NUCKS1: variants seen among roughly 807,000 people sequenced by gnomAD.
NUCKS1 encodes nuclear ubiquitous casein and cyclin-dependent kinase substrate 1.
NUCKS1 carries 2 observed loss-of-function variants against 33.0 expected under a neutral mutation model. The observed-to-expected ratio is 0.06, with a 90% confidence interval of 0.02 to 0.19. The LOEUF is 0.19. NUCKS1 is among the 10% of genes least tolerant of loss of function. The pLI is 1.00. For synonymous variants in NUCKS1, 106 were observed against 102.8 expected, an observed-to-expected ratio of 1.03 and a Z score of -0.19; for missense variants, 201 against 293.6, an observed-to-expected ratio of 0.68 and a Z score of 2.31.
chr1:205,718,094 A>G lies in NUCKS1; in HGVS notation c.*186T>C. On this transcript the variant is annotated 3_prime_UTR_variant, in exon 7 of 7. Transcript: ENST00000367142. ...ATACAATGGTTTGCTTTAAAAAAAA[A>G]AAAAAAAAAAGAGAGAGAGAGAGAA... The G allele has an allele frequency of 8.1e-7, 1 of 1,239,614 alleles. No homozygotes were observed. Among genetic ancestry groups the G allele is most frequent in the Non-Finnish European group, 1.0e-6 (1 of 994,116 alleles). The allele number at this position is 1,239,614 out of a possible 1,614,324, so 76.8% of individuals were successfully genotyped here. A position where few individuals can be genotyped will look rare whatever the true frequency, so the allele number is the denominator to read the frequency against.
intron 1 of NUCKS1, among the ~76,000 whole-genome samples, chr1:205,745,310 G>A (rs1654292522): frequency 6.6e-6 from 1 of 151,818 alleles, no homozygotes. Context: ...CTCAGCCTGA[G>A]CAACATGGTG....
At chr1:205,749,888 C>T in intron 1 of NUCKS1, 69 bp downstream of exon 1, 2 of 1,503,742 alleles carry the variant, frequency 1.3e-6, no homozygotes, top group Non-Finnish European at 9.2e-7. Flanking sequence ...AGCCTTCTGT[C>T]CCCCACTCTT....
chr1:205,741,395 T>G (rs1265716094), intron 1 of NUCKS1, among the ~76,000 whole-genome samples: 1 of 151,828 alleles, frequency 6.6e-6, no homozygotes, highest in Non-Finnish European at 1.5e-5. Context: ...TAAAGTCAGC[T>G]AGGTTAGATT....
chr1:205,743,151 T>C (rs1654222159), intron 1 of NUCKS1, among the ~76,000 whole-genome samples: 1 of 152,280 alleles, frequency 6.6e-6, no homozygotes, highest in Admixed American at 6.5e-5. Context: ...TTACACAGTA[T>C]GGTGACTGTT....
Position 205,720,653 on chromosome 1 carries a change from T to C in NUCKS1, c.230A>G (p.Glu77Gly). Reference protein sequence around the residue: ...KTKKDDSHSAEDSEDEKEDHK... With the variant: ...KTKKDDSHSAGDSEDEKEDHK... ...ATCTTCTTTTTCATCTTCACTATCC[T>C]CTGCAATATCAGAATTACCATGATA... The change falls in exon 5 of 7, where the codon GAG (glutamate) becomes GGG (glycine). Residue 77 changes from glutamate to glycine, a missense_variant and splice_region_variant. Glu to Gly is a moderately conservative substitution (Grantham distance 98). Transcript: ENST00000367142. The C allele has an allele frequency of 6.2e-7, 1 of 1,608,120 alleles. No individual in the cohort carries two copies. The highest frequency in any genetic ancestry group is 1.1e-5 in the South Asian group (1 of 89,888).
chr1:205,743,196 A>C (rs574215533), intron 1 of NUCKS1, among the ~76,000 whole-genome samples: 95 of 152,334 alleles, frequency 6.2e-4, no homozygotes, highest in African/African-American at 1.7e-3. Flanking sequence ...AAAAAACCCC[A>C]AAAACCAAAA....
chr1:205,725,999 G>C (rs757620367), intron 3 of NUCKS1, among the ~76,000 whole-genome samples: 5 of 152,148 alleles, frequency 3.3e-5, no homozygotes, highest in Admixed American at 1.3e-4. Flanking sequence ...AGGAGTTCAA[G>C]ACCAGCCTAG....
intron 4 of NUCKS1, among the ~76,000 whole-genome samples, chr1:205,721,119 G>T (rs1354389256): frequency 6.6e-6 from 1 of 151,772 alleles, no homozygotes; most frequent in Non-Finnish European, 1.5e-5. Context: ...GCGAGGGAGG[G>T]GGCAGGGTGG....
At chr1:205,735,583 C>G (rs1654014048) in intron 1 of NUCKS1, among the ~76,000 whole-genome samples, 1 of 152,172 alleles carries the variant, frequency 6.6e-6, no homozygotes, top group Non-Finnish European at 1.5e-5. Flanking sequence ...AATTTACGTC[C>G]TGACTCTTAC....
intron 1 of NUCKS1, among the ~76,000 whole-genome samples, chr1:205,730,053 ATTAT>A (rs1291388584): frequency 1.3e-5 from 2 of 151,906 alleles, no homozygotes; most frequent in African/African-American, 2.4e-5. Flanking sequence ...AAAAAAGAAA[ATTAT>A]TTAATTAATT....
In NUCKS1 at chr1:205,718,151, G is replaced by T. The variant is rs1671859318; in HGVS notation, c.*129C>A. On this transcript the variant is annotated 3_prime_UTR_variant, in exon 7 of 7. Transcript: ENST00000367142. ...CTTTCAACAAATGGAAAAAAGCACTGAAAGCCCATGAGTCAAGCCATAGCC... is the reference window on the plus strand; with the variant it reads ...CTTTCAACAAATGGAAAAAAGCACTTAAAGCCCATGAGTCAAGCCATAGCC... 7.8e-7 allele frequency: 1 copy of T among 1,278,080 alleles called. No individual in the cohort carries two copies. Among genetic ancestry groups the T allele is most frequent in the Non-Finnish European group, 9.9e-7 (1 of 1,014,146 alleles). 79.2% of individuals were successfully genotyped at this position (1,278,080 alleles called of 1,614,324 possible).
Position 205,750,157 on chromosome 1 carries a change from C to T in NUCKS1, c.-184G>A, listed in dbSNP as rs528432834. ...GGGCTCCTGGAACAGACGAGCCCCC[C>T]GCTCCCCCGTCTCTTCAAAATGGAT... On this transcript the variant is annotated 5_prime_UTR_variant, in exon 1 of 7. Coordinates refer to ENST00000367142, the MANE Select transcript of NUCKS1 (RefSeq NM_022731.5). 4 of 639,832 alleles carry T rather than the reference C, an allele frequency of 6.3e-6. No individual in the cohort carries two copies. Among genetic ancestry groups the T allele is most frequent in the Non-Finnish European group, 1.1e-5 (4 of 362,408 alleles). The allele number at this position is 639,832 out of a possible 1,614,324, so 39.6% of individuals were successfully genotyped here.
intron 1 of NUCKS1, among the ~76,000 whole-genome samples, chr1:205,746,273 C>G (rs1379728822): frequency 6.6e-6 from 1 of 152,096 alleles, no homozygotes; most frequent in Non-Finnish European, 1.5e-5. Flanking sequence ...CCCGCCTGGG[C>G]AACAAGAGGG....
intron 6 of NUCKS1, 41 bp from the exon 7 acceptor site, chr1:205,718,520 A>G (rs757856184): frequency 9.4e-6 from 15 of 1,595,906 alleles, no homozygotes; most frequent in Non-Finnish European, 1.2e-5. Context: ...AAGAGAAAAA[A>G]ATGTCTTTAA....
At position 205,717,764 on chromosome 1, in the gene NUCKS1, CAAAT is replaced by C. The variant is rs1490592065; in HGVS notation, c.*512_*515del. On this transcript the variant is annotated 3_prime_UTR_variant, in exon 7 of 7. Coordinates refer to ENST00000367142, the MANE Select transcript of NUCKS1 (RefSeq NM_022731.5). ...AGACATTGATACTTGTGTCTATAGA[CAAAT>C]AAACTCATATTAGATGACAATTGAT... 1.4e-5 allele frequency: 14 copies of C among 984,726 alleles called. No individual in the cohort carries two copies. The East Asian group carries it at 8.0e-4, about 56-fold the overall frequency. 61.0% of individuals were successfully genotyped at this position (984,726 alleles called of 1,614,324 possible). A position where few individuals can be genotyped will look rare whatever the true frequency, so the allele number is the denominator to read the frequency against.
rs1164920873 is a variant in NUCKS1, at chr1:205,713,920, A to C, written c.*4360T>G. On this transcript the variant is annotated 3_prime_UTR_variant, in exon 7 of 7. Transcript: ENST00000367142. ...TTTTAGAGCTGGCAAAATGAAGTCTAAAAGATAAATCAAGGCAAACAATTA... is the reference window on the plus strand; with the variant it reads ...TTTTAGAGCTGGCAAAATGAAGTCTCAAAGATAAATCAAGGCAAACAATTA... 6.6e-6 allele frequency: 1 copy of C among 152,222 alleles called. No individual in the cohort carries two copies. The highest frequency in any genetic ancestry group is 1.5e-5 in the Non-Finnish European group (1 of 68,028). 9.4% of individuals were successfully genotyped at this position (152,222 alleles called of 1,614,324 possible).
chr1:205,749,860 C>G, intron 1 of NUCKS1, 97 bp downstream of exon 1: 1 of 1,340,686 alleles, frequency 7.5e-7, no homozygotes, highest in Non-Finnish European at 1.0e-6. Flanking sequence ...GCGCGCGGCA[C>G]CGGGGATGGC....
intron 1 of NUCKS1, among the ~76,000 whole-genome samples, chr1:205,742,490 G>C (rs947688137): frequency 3.3e-5 from 5 of 152,122 alleles, no homozygotes; most frequent in Non-Finnish European, 7.4e-5. Context: ...ATAAAGGGGC[G>C]CCCAGTTTGA....
At chr1:205,744,671 T>C (rs823129) in intron 1 of NUCKS1, among the ~76,000 whole-genome samples, 122,112 of 139,552 alleles carry the variant, frequency 0.88, 54,321 homozygotes, top group Non-Finnish European at 0.97. Context: ...TCGCCCTTGT[T>C]GCCCAGGCTC....
Sources: gnomAD v4.1 joint callset for allele counts (sites outside exome capture counted in the v4.1 genomes callset) on GRCh38, gnomAD v4.1.1 for gene constraint, MANE v1.5 for transcripts, NCBI Gene and HGNC (gene_info 2026-07-23, HGNC 2026-07-21) for gene names.